LMNTD1: variants seen among roughly 807,000 people sequenced by gnomAD.
LMNTD1 encodes the protein lamin tail domain containing 1.
In LMNTD1, 35 loss-of-function variants were observed where a neutral mutation model predicts 50.9. That is an observed-to-expected ratio of 0.69 (90% CI 0.53 to 0.91). The LOEUF is 0.91. Among genes scored for constraint, LMNTD1 ranks in the 40% least tolerant of loss-of-function variants. LMNTD1 has a pLI of 0.00. For missense variants in LMNTD1, 470 were observed against 475.5 expected, an observed-to-expected ratio of 0.99 and a Z score of 0.11; for synonymous variants, 153 against 161.9, an observed-to-expected ratio of 0.94 and a Z score of 0.42.
intron 6 of LMNTD1, among the ~76,000 whole-genome samples, chr12:25,523,816 TAAAA>T (rs745735879): frequency 6.2e-5 from 5 of 80,614 alleles, no homozygotes; most frequent in African/African-American, 1.3e-4. Flanking sequence ...GTGACTCAGG[TAAAA>T]AAAAAAAAAA....
intron 1 of LMNTD1, among the ~76,000 whole-genome samples, chr12:25,644,133 A>G (rs1185736296): frequency 6.6e-6 from 1 of 152,016 alleles, no homozygotes; most frequent in Non-Finnish European, 1.5e-5. Flanking sequence ...GGATCTAGCA[A>G]TATTAAGATT....
At chr12:25,506,891 T>G (rs922516156) in intron 8 of LMNTD1, among the ~76,000 whole-genome samples, 5 of 152,116 alleles carry the variant, frequency 3.3e-5, no homozygotes, top group Admixed American at 3.3e-4. Context: ...TATTTATTTA[T>G]TTTTTGAAAT....
chr12:25,619,252 C>CTCTATATATATATATATATATATA (rs1374134268), intron 1 of LMNTD1, among the ~76,000 whole-genome samples: 11 of 84,440 alleles, frequency 1.3e-4, no homozygotes, highest in Admixed American at 2.3e-4. Context: ...CTCTCTCTCT[C>CTCTATATATATATATATATATATA]TATATATATA....
chr12:25,645,419 G>A (rs529405572), intron 1 of LMNTD1, among the ~76,000 whole-genome samples: 3 of 152,272 alleles, frequency 2.0e-5, no homozygotes, highest in East Asian at 3.9e-4. Context: ...AGAGGTGGTT[G>A]TGACCATTAG....
At chr12:25,541,399 C>G (rs928424112) in intron 4 of LMNTD1, among the ~76,000 whole-genome samples, 69 of 146,780 alleles carry the variant, frequency 4.7e-4, no homozygotes, top group Non-Finnish European at 8.6e-4. Context: ...CAGAACAGAG[C>G]CCTCAGAAAT....
At chr12:25,527,626 G>A (rs1403616714) in intron 4 of LMNTD1, among the ~76,000 whole-genome samples, 1 of 115,910 alleles carries the variant, frequency 8.6e-6, no homozygotes, top group Non-Finnish European at 1.7e-5. Context: ...TTATATGCCA[G>A]GCACTTAATA....
At chr12:25,596,216 A>G (rs1945842626) in intron 1 of LMNTD1, among the ~76,000 whole-genome samples, 1 of 152,086 alleles carries the variant, frequency 6.6e-6, no homozygotes, top group South Asian at 2.1e-4. Flanking sequence ...TCCTCCCTAA[A>G]TCATTCTATG....
intron 9 of LMNTD1, among the ~76,000 whole-genome samples, chr12:25,486,114 G>C (rs1206556481): frequency 8.4e-6 from 1 of 118,406 alleles, no homozygotes; most frequent in African/African-American, 3.3e-5. Context: ...CCATTTTCAC[G>C]ATATTGATTC....
chr12:25,585,769 G>C (rs954287041), intron 1 of LMNTD1, among the ~76,000 whole-genome samples: 2 of 152,168 alleles, frequency 1.3e-5, no homozygotes, highest in African/African-American at 2.4e-5. Flanking sequence ...TTTCTCATTG[G>C]TGAGTTATGC....
At chr12:25,502,978 CA>C (rs1939470951) in intron 9 of LMNTD1, 1 of 152,142 alleles carries the variant, frequency 6.6e-6, no homozygotes, top group Admixed American at 6.6e-5. Flanking sequence ...TCCAGAATAC[CA>C]ACAAGTTAGG....
intron 1 of LMNTD1, among the ~76,000 whole-genome samples, chr12:25,575,586 G>T (rs182176466): frequency 1.1e-3 from 171 of 152,144 alleles, no homozygotes; most frequent in Non-Finnish European, 2.2e-3. Flanking sequence ...AGCTCAATGG[G>T]GAAGATATAA....
intron 2 of LMNTD1, among the ~76,000 whole-genome samples, chr12:25,552,357 G>A (rs1319731631): frequency 6.6e-6 from 1 of 151,808 alleles, no homozygotes; most frequent in Non-Finnish European, 1.5e-5. Context: ...GGTGGCTCAC[G>A]CTTGTAATCC....
intron 1 of LMNTD1, among the ~76,000 whole-genome samples, chr12:25,582,645 A>G (rs1945342579): frequency 1.3e-5 from 2 of 152,226 alleles, no homozygotes; most frequent in South Asian, 4.1e-4. Context: ...CCTAAATTTG[A>G]TATTTAAATA....
chr12:25,601,234 A>G (rs896540965), intron 1 of LMNTD1, among the ~76,000 whole-genome samples: 7 of 151,924 alleles, frequency 4.6e-5, no homozygotes, highest in Non-Finnish European at 8.8e-5. Context: ...CTTATTTGTG[A>G]GATCTAAAAA....
chr12:25,480,596 C>T (rs543609776), intron 9 of LMNTD1, among the ~76,000 whole-genome samples: 1 of 152,152 alleles, frequency 6.6e-6, no homozygotes, highest in Non-Finnish European at 1.5e-5. Flanking sequence ...TTTCCAAATA[C>T]CAAGGATGGT....
chr12:25,610,689 C>G (rs1309435532), intron 1 of LMNTD1, among the ~76,000 whole-genome samples: 2 of 151,864 alleles, frequency 1.3e-5, no homozygotes, highest in Non-Finnish European at 2.9e-5. Context: ...TGGAGGGGAC[C>G]CAAGGGGTAG....
In LMNTD1 at chr12:25,549,525, T is replaced by C; in HGVS notation, c.111A>G (p.Val37=). Residue 37 remains valine (V), a synonymous_variant, in exon 3 of 10, where the codon GTA becomes GTG. Coordinates refer to ENST00000458174, the MANE Select transcript of LMNTD1 (RefSeq NM_001145728.2). ...KQKQREDKLG[V]YSLVHFSPKM... ...TTGGGGAAAAATGTACTAAAGAATATACTCCAAGTTTGTCTTCTCTTCTGT... is the reference window on the plus strand; with the variant it reads ...TTGGGGAAAAATGTACTAAAGAATACACTCCAAGTTTGTCTTCTCTTCTGT... 2 of 1,607,448 alleles carry C rather than the reference T, an allele frequency of 1.2e-6. No homozygotes were observed. Among genetic ancestry groups the C allele is most frequent in the Non-Finnish European group, 1.7e-6 (2 of 1,175,262 alleles).
chr12:25,479,268 C>G (rs969363812), intron 9 of LMNTD1, among the ~76,000 whole-genome samples: 2 of 152,090 alleles, frequency 1.3e-5, no homozygotes, highest in Non-Finnish European at 2.9e-5. Context: ...ACTAGCAGAA[C>G]GTATTGTCGT....
chr12:25,546,481 A>G lies in LMNTD1; in HGVS notation c.384T>C (p.Leu128=), dbSNP rs564830991. The change falls in exon 4 of 10, where the codon CTT becomes CTC. Residue 128 remains leucine (L), a synonymous_variant. Transcript: ENST00000458174. ...GTTTCTTTGAATCACCAAACAAAGA[A>G]AGGAAATAATCTTCTCCATCCCCAA... ...PMIGDGEDYF[L]SLFGDSKKLT... 6.2e-7 allele frequency: 1 copy of G among 1,602,006 alleles called. No homozygotes were observed. Among genetic ancestry groups the G allele is most frequent in the South Asian group, 1.1e-5 (1 of 89,530 alleles).
Sources: gnomAD v4.1 joint callset for allele counts (sites outside exome capture counted in the v4.1 genomes callset) on GRCh38, gnomAD v4.1.1 for gene constraint, MANE v1.5 for transcripts, NCBI Gene and HGNC (gene_info 2026-07-23, HGNC 2026-07-21) for gene names.